Variants in CASR observed in about 807,000 individuals in gnomAD.
CASR encodes the protein calcium sensing receptor, also known as extracellular calcium-sensing receptor.
CASR carries 23 observed loss-of-function variants against 69.1 expected under a neutral mutation model. The ratio of observed to expected loss-of-function variants is 0.33; its 90% CI spans 0.24 to 0.47. CASR has a LOEUF of 0.47. Among genes scored for constraint, CASR ranks in the 20% least tolerant of loss-of-function variants. The pLI is 1.00. For missense variants in CASR, 924 were observed against 1,356.1 expected, an observed-to-expected ratio of 0.68 and a Z score of 5.00; for synonymous variants, 541 against 544.7, an observed-to-expected ratio of 0.99 and a Z score of 0.10.
chr3:122,250,938 G>A (rs1178779271), intron 1 of CASR, among the ~76,000 whole-genome samples: 1 of 152,114 alleles, frequency 6.6e-6, no homozygotes, highest in Non-Finnish European at 1.5e-5. Context: ...ACATGCATGT[G>A]TTTGTCACCT....
At chr3:122,230,042 T>C (rs2074264362) in intron 1 of CASR, among the ~76,000 whole-genome samples, 1 of 152,246 alleles carries the variant, frequency 6.6e-6, no homozygotes, top group African/African-American at 2.4e-5. Context: ...AGATTTGTAC[T>C]AAACATATTC....
chr3:122,222,703 C>T (rs2074183660), intron 1 of CASR, among the ~76,000 whole-genome samples: 15 of 152,146 alleles, frequency 9.9e-5, no homozygotes, highest in Admixed American at 9.8e-4. Context: ...AAACTCAACA[C>T]TTGACCAATT....
intron 1 of CASR, among the ~76,000 whole-genome samples, chr3:122,206,693 A>G (rs2074010004): frequency 6.6e-6 from 1 of 152,036 alleles, no homozygotes; most frequent in Non-Finnish European, 1.5e-5. Context: ...TCATCAGTGA[A>G]GCATCAGGTC....
intron 4 of CASR, among the ~76,000 whole-genome samples, chr3:122,266,160 G>A (rs16832877): frequency 0.018 from 2,703 of 152,058 alleles, 75 homozygotes; most frequent in African/African-American, 0.06. Flanking sequence ...TTCAATTGAC[G>A]CTACTAAGAA....
In CASR at chr3:122,185,555, G is replaced by A. The variant is rs565968271; in HGVS notation, c.-243+1743G>A. Among the ~76,000 whole-genome samples, 3 of 152,372 alleles carry A rather than the reference G, an allele frequency of 2.0e-5. No homozygotes were observed. The South Asian group carries it at 6.2e-4, about 32-fold the overall frequency. On this transcript the variant is annotated intron_variant, in intron 1 of 6. Transcript: ENST00000639785. The stretch of plus-strand genomic sequence containing the variant: ...CCTTAAACTGGATCTTCCAAGTGCA[G>A]TTTAGGTAGTCTGTTACTGAGAGAA...
intron 1 of CASR, among the ~76,000 whole-genome samples, chr3:122,242,295 CA>C (rs1209596130): frequency 5.9e-5 from 9 of 151,854 alleles, no homozygotes; most frequent in Non-Finnish European, 1.2e-4. Flanking sequence ...TAGACTCCAC[CA>C]AAAAAACTAT....
In CASR at chr3:122,215,050, C is replaced by T. The variant is rs368513152; in HGVS notation, c.-243+31238C>T. Among the ~76,000 whole-genome samples the T allele has an allele frequency of 2.6e-5, 4 of 152,270 alleles. No individual in the cohort carries two copies. In the East Asian group the frequency reaches 7.7e-4, roughly 29 times the overall value. On this transcript the variant is annotated intron_variant, in intron 1 of 6. Coordinates refer to ENST00000639785, the MANE Select transcript of CASR (RefSeq NM_000388.4). ...GGAGGTAGGTCTATCCTTGCTTTTG[C>T]TGCCATCTCGAACATAACTGCCTCT...
chr3:122,236,877 C>A (rs1197229614), intron 1 of CASR, among the ~76,000 whole-genome samples: 1 of 151,786 alleles, frequency 6.6e-6, no homozygotes, highest in Admixed American at 6.6e-5. Flanking sequence ...GATAGTTAAG[C>A]CTGAAAAAAA....
intron 1 of CASR, among the ~76,000 whole-genome samples, chr3:122,191,608 G>A (rs2073840870): frequency 2.0e-5 from 3 of 151,966 alleles, no homozygotes; most frequent in Admixed American, 2.0e-4. Flanking sequence ...CACCATGCCT[G>A]GCCAACGTTT....
chr3:122,223,623 T>G (rs1331056433), intron 1 of CASR, among the ~76,000 whole-genome samples: 1 of 151,864 alleles, frequency 6.6e-6, no homozygotes. Context: ...ACATGTAAAA[T>G]TATTCCAATC....
intron 1 of CASR, chr3:122,184,332 C>T (rs2107575030): frequency 6.5e-6 from 1 of 153,096 alleles, no homozygotes; most frequent in Non-Finnish European, 1.5e-5. Flanking sequence ...AGAGGGTCTG[C>T]GGGGGCTGCT....
chr3:122,212,171 A>G (rs534767743), intron 1 of CASR, among the ~76,000 whole-genome samples: 3 of 152,350 alleles, frequency 2.0e-5, no homozygotes, highest in African/African-American at 2.4e-5. Context: ...ATGCCCATCA[A>G]TGTTAGACTA....
At chr3:122,278,387 T>C (rs1161977983) in intron 5 of CASR, among the ~76,000 whole-genome samples, 1 of 152,100 alleles carries the variant, frequency 6.6e-6, no homozygotes, top group Non-Finnish European at 1.5e-5. Context: ...AAGCTGAGAC[T>C]AGACCCCAAG....
intron 1 of CASR, among the ~76,000 whole-genome samples, chr3:122,214,412 C>T (rs2074096912): frequency 6.6e-6 from 1 of 152,114 alleles, no homozygotes; most frequent in Admixed American, 6.6e-5. Flanking sequence ...AGTCCAGAAC[C>T]ATTGAACTAA....
At position 122,244,306 on chromosome 3, in the gene CASR, C is replaced by T. The variant is rs561766576; in HGVS notation, c.-242-9642C>T. On this transcript the variant is annotated intron_variant, in intron 1 of 6. Transcript: ENST00000639785. ...CTCAGGTACCCCAGAAATATATATA[C>T]CTGCTGTGTACCCACAAAAATTAAA... is the stretch of plus-strand genomic sequence containing the variant. Among the ~76,000 whole-genome samples, 349 of 152,112 alleles carry T rather than the reference C, an allele frequency of 2.3e-3. 2 individuals are homozygous for T. The highest frequency in any genetic ancestry group is 7.8e-3 in the African/African-American group (325 of 41,504).
At chr3:122,238,171 C>T (rs770326254) in intron 1 of CASR, among the ~76,000 whole-genome samples, 2 of 152,164 alleles carry the variant, frequency 1.3e-5, no homozygotes, top group African/African-American at 2.4e-5. Flanking sequence ...GAAAGACAGC[C>T]TTGAATCGCT....
At chr3:122,274,666 C>T (rs1046895925) in intron 4 of CASR, among the ~76,000 whole-genome samples, 21 of 152,172 alleles carry the variant, frequency 1.4e-4, no homozygotes, top group Non-Finnish European at 2.4e-4. Flanking sequence ...CTTTGGGAGG[C>T]TGAGGCAGGA....
chr3:122,262,896 A>C (rs1487716662), intron 4 of CASR, among the ~76,000 whole-genome samples: 4 of 152,238 alleles, frequency 2.6e-5, no homozygotes, highest in African/African-American at 7.2e-5. Flanking sequence ...AGCTAAGCAC[A>C]GCTTAGGACA....
intron 1 of CASR, among the ~76,000 whole-genome samples, chr3:122,188,567 G>A (rs1388783072): frequency 6.6e-6 from 1 of 152,142 alleles, no homozygotes; most frequent in Non-Finnish European, 1.5e-5. Flanking sequence ...CATAAAATAG[G>A]ATCAGTTAAT....
Sources: allele counts gnomAD v4.1 joint callset (sites outside exome capture counted in the v4.1 genomes callset), GRCh38; gene constraint gnomAD v4.1.1; transcripts MANE v1.5; gene names NCBI Gene and HGNC (gene_info 2026-07-23, HGNC 2026-07-21).